SYBU: variants seen among roughly 807,000 people sequenced by gnomAD.
The protein encoded by SYBU is syntabulin.
SYBU carries 21 observed loss-of-function variants against 35.9 expected under a neutral mutation model. The ratio of observed to expected loss-of-function variants is 0.58; its 90% CI spans 0.41 to 0.84. SYBU has a LOEUF of 0.84. Ranked by LOEUF, SYBU falls within the 40% of genes least tolerant of loss-of-function variation. The probability of loss-of-function intolerance (pLI) is 0.00; values close to 1 mark genes in which losing one functional copy is unlikely to be tolerated. For missense variants in SYBU, 768 were observed against 848.2 expected (o/e 0.91, Z 1.17); for synonymous variants, 319 against 324.3 (o/e 0.98, Z 0.18).
rs1479525773 is a variant in SYBU at position 109,644,744 on chromosome 8, C to T, written c.-85G>A. On this transcript the variant is annotated 5_prime_UTR_variant, in exon 1 of 7. Coordinates refer to ENST00000276646, the MANE Select transcript of SYBU (RefSeq NM_001099754.2). ...GCGAGCACGGAGCGAGGAGACTGCG[C>T]TGAGCCGGCGCGGGCTGCGGGCGGC... 4 of 1,290,918 alleles carry T rather than the reference C, an allele frequency of 3.1e-6. No individual in the cohort carries two copies. The highest frequency in any genetic ancestry group is 4.0e-6 in the Non-Finnish European group (4 of 1,006,346). The allele number at this position is 1,290,918 out of a possible 1,614,324, so 80.0% of individuals were successfully genotyped here.
chr8:109,621,967 T>C (rs746744916), intron 2 of SYBU, among the ~76,000 whole-genome samples: 21 of 152,168 alleles, frequency 1.4e-4, no homozygotes, highest in Non-Finnish European at 2.2e-4. Context: ...GAAGAAGAAG[T>C]TATCTTTACA....
At chr8:109,583,772 T>C (rs1209270999) in intron 4 of SYBU, among the ~76,000 whole-genome samples, 1 of 152,168 alleles carries the variant, frequency 6.6e-6, no homozygotes, top group Non-Finnish European at 1.5e-5. Flanking sequence ...GACCAAAATC[T>C]ACTGATGGTA....
chr8:109,636,709 G>T (rs1169764794), intron 2 of SYBU, among the ~76,000 whole-genome samples: 1 of 151,964 alleles, frequency 6.6e-6, no homozygotes, highest in Non-Finnish European at 1.5e-5. Context: ...ATCACAAAAA[G>T]AATATGCAAA....
chr8:109,584,370 C>CACAA lies in SYBU; in HGVS notation c.530+1686_530+1689dup, dbSNP rs1243092104. The stretch of plus-strand genomic sequence containing the variant: ...TATTGACACAACCTTGGAATTTAAC[C>CACAA]ACAAACACTGATTCCTTTGAAATAT... On this transcript the variant is annotated intron_variant, in intron 4 of 6. Transcript: ENST00000276646. The surrounding 1 kb of genome is among the most constrained non-coding windows in gnomAD (Gnocchi z 4.0). Among the ~76,000 whole-genome samples, 1 of 152,126 alleles carries CACAA rather than the reference C, an allele frequency of 6.6e-6. No homozygotes were observed. Among genetic ancestry groups the CACAA allele is most frequent in the Non-Finnish European group, 1.5e-5 (1 of 68,030 alleles).
chr8:109,689,848 A>AG (rs1209181914), intron 1 of SYBU, among the ~76,000 whole-genome samples: 1 of 151,702 alleles, frequency 6.6e-6, no homozygotes, highest in African/African-American at 2.4e-5. Flanking sequence ...AAAAAAAAAA[A>AG]AAAAAAACCA....
chr8:109,639,589 G>A (rs1264978043), intron 2 of SYBU, among the ~76,000 whole-genome samples: 1 of 152,202 alleles, frequency 6.6e-6, no homozygotes, highest in East Asian at 1.9e-4. Flanking sequence ...AATACAGGAG[G>A]ATTACTGGAA....
At chr8:109,603,916 G>A (rs1825806627) in intron 3 of SYBU, among the ~76,000 whole-genome samples, 1 of 152,176 alleles carries the variant, frequency 6.6e-6, no homozygotes. Flanking sequence ...AGTGGAAGGT[G>A]AAATCACAAG....
chr8:109,628,309 G>A lies in SYBU; in HGVS notation c.230-9270C>T, dbSNP rs111953353. Among the ~76,000 whole-genome samples, 761 of 151,968 alleles carry A rather than the reference G, an allele frequency of 5.0e-3. 7 individuals are homozygous for A. The highest frequency in any genetic ancestry group is 0.017 in the African/African-American group (723 of 41,434). ...GGATAGCTTGAGGACAGGAGTTTGA[G>A]ACCAGCCTGGGAAATGTGGGGAAAC... On this transcript the variant is annotated intron_variant, in intron 2 of 6. Coordinates refer to ENST00000276646, the MANE Select transcript of SYBU (RefSeq NM_001099754.2).
chr8:109,667,297 T>A (rs1333397530), intron 1 of SYBU, among the ~76,000 whole-genome samples: 1 of 152,026 alleles, frequency 6.6e-6, no homozygotes, highest in Non-Finnish European at 1.5e-5. Flanking sequence ...TTTGTATTTT[T>A]AGTAGAGACG....
intron 3 of SYBU, among the ~76,000 whole-genome samples, chr8:109,593,884 G>A (rs192920775): frequency 5.3e-5 from 8 of 152,226 alleles, no homozygotes; most frequent in Admixed American, 1.3e-4. Flanking sequence ...CATCCACCGT[G>A]GTCATAAATG....
At position 109,587,819 on chromosome 8, in the gene SYBU, G is replaced by A. The variant is rs115123375; in HGVS notation, c.428-1657C>T. 4.8e-3 allele frequency among the ~76,000 whole-genome samples: 736 copies of A among 152,266 alleles called. 7 individuals are homozygous for A. The highest frequency in any genetic ancestry group is 0.016 in the African/African-American group (670 of 41,540). On this transcript the variant is annotated intron_variant, in intron 3 of 6. Transcript: ENST00000276646. ...CTCCTGGCTCCCAGTAGAATTCTGG[G>A]AAGATTAGCAAGGTAGTTTATCAGA...
intron 2 of SYBU, among the ~76,000 whole-genome samples, chr8:109,641,635 C>G (rs983239418): frequency 1.3e-5 from 2 of 152,200 alleles, no homozygotes; most frequent in African/African-American, 4.8e-5. Flanking sequence ...TGATCTTGAC[C>G]TCATTTATTA....
At position 109,673,814 on chromosome 8, in the gene SYBU, A is replaced by C. The variant is rs533533540; in HGVS notation, c.-129+6897T>G. ...AACGTTAGAGGAATTGCTAACTAGA[A>C]TAACCAGTTTAGAGAAGAACATGAA... On this transcript the variant is annotated intron_variant, in intron 1 of 5. Transcript: ENST00000408889. 4.6e-5 allele frequency among the ~76,000 whole-genome samples: 7 copies of C among 152,364 alleles called. No individual in the cohort carries two copies. In the South Asian group the frequency reaches 1.4e-3, roughly 32 times the overall value.
upstream of SYBU, among the ~76,000 whole-genome samples, chr8:109,684,609 C>T (rs560985787): frequency 1.3e-5 from 2 of 152,208 alleles, no homozygotes; most frequent in African/African-American, 2.4e-5. Flanking sequence ...CTGTCTGGAA[C>T]ATTGTTTCAA....
chr8:109,619,387 G>A (rs1005991893), intron 2 of SYBU, among the ~76,000 whole-genome samples: 4 of 151,652 alleles, frequency 2.6e-5, no homozygotes, highest in Middle Eastern at 3.2e-3. Flanking sequence ...CCAGGCCCGG[G>A]TATTTTTTGT....
At chr8:109,678,151 A>G (rs1817263498) in intron 1 of SYBU, among the ~76,000 whole-genome samples, 1 of 150,682 alleles carries the variant, frequency 6.6e-6, no homozygotes, top group African/African-American at 2.4e-5. Context: ...AAAAAAAAAA[A>G]AAAAAAAAGG....
intron 1 of SYBU, among the ~76,000 whole-genome samples, chr8:109,671,591 C>A (rs1163077681): frequency 6.6e-6 from 1 of 152,172 alleles, no homozygotes; most frequent in South Asian, 2.1e-4. Context: ...GCGATTAAAG[C>A]ATTTGAAATG....
chr8:109,682,866 G>C (rs1817433250), upstream of SYBU, among the ~76,000 whole-genome samples: 1 of 152,244 alleles, frequency 6.6e-6, no homozygotes, highest in South Asian at 2.1e-4. Context: ...CTGCATCCCA[G>C]CTGTTCTAAG....
chr8:109,645,626 G>GTT (rs201121007), upstream of SYBU: 1,919 of 244,884 alleles, frequency 7.8e-3, 99 homozygotes, highest in African/African-American at 0.05. Context: ...TTGTTGTTTC[G>GTT]TTTTTTGTTT....
Sources: gnomAD v4.1 joint callset for allele counts (sites outside exome capture counted in the v4.1 genomes callset) on GRCh38, gnomAD v4.1.1 for gene constraint, Gnocchi (gnomAD v3.1) non-coding constraint, MANE v1.5 for transcripts, NCBI Gene and HGNC (gene_info 2026-07-23, HGNC 2026-07-21) for gene names.